CNTNAP2: variants seen among roughly 807,000 people sequenced by gnomAD.
The protein encoded by CNTNAP2 is contactin associated protein 2.
Under a neutral mutation model 155.2 loss-of-function variants are expected in CNTNAP2, and 98 were observed. That is an observed-to-expected ratio of 0.63 (90% CI 0.54 to 0.75). The LOEUF (loss-of-function observed/expected upper bound fraction) is 0.75. Ranked by LOEUF, CNTNAP2 falls within the 30% of genes least tolerant of loss-of-function variation. The pLI, the probability that CNTNAP2 is intolerant of heterozygous loss-of-function variation, is 0.00. For synonymous variants in CNTNAP2, 651 were observed against 631.2 expected, an observed-to-expected ratio of 1.03 and a Z score of -0.47; for missense variants, 1,727 against 1,688.1, an observed-to-expected ratio of 1.02 and a Z score of -0.40.
intron 22 of CNTNAP2, among the ~76,000 whole-genome samples, chr7:148,398,940 A>G (rs13246870): frequency 0.17 from 25,546 of 152,174 alleles, 2,435 homozygotes; most frequent in East Asian, 0.31. Flanking sequence ...TTCCTCTTTT[A>G]ACTATCATAA....
chr7:147,659,068 G>GT (rs1795575073), intron 13 of CNTNAP2, among the ~76,000 whole-genome samples: 1 of 152,128 alleles, frequency 6.6e-6, no homozygotes, highest in South Asian at 2.1e-4. Context: ...GTGGCAAAAA[G>GT]TTTTTTAACA....
At chr7:146,570,334 C>T (rs556766090) in intron 1 of CNTNAP2, among the ~76,000 whole-genome samples, 3 of 151,996 alleles carry the variant, frequency 2.0e-5, no homozygotes, top group Non-Finnish European at 2.9e-5. Context: ...CATTTTTGAA[C>T]GGTCTGTTTT....
chr7:148,167,963 T>A (rs1034639679), intron 17 of CNTNAP2, among the ~76,000 whole-genome samples: 1 of 152,226 alleles, frequency 6.6e-6, no homozygotes, highest in Non-Finnish European at 1.5e-5. Flanking sequence ...TCTGCCTTAA[T>A]GATATAATAA....
rs551294579 is a variant in CNTNAP2, at chr7:147,107,457, G to A, written c.551-690G>A. Among the ~76,000 whole-genome samples, 16 of 152,182 alleles carry A rather than the reference G, an allele frequency of 1.1e-4. No individual in the cohort carries two copies. The South Asian group carries it at 3.1e-3, about 30-fold the overall frequency. On this transcript the variant is annotated intron_variant, in intron 4 of 23. Coordinates refer to ENST00000361727, the MANE Select transcript of CNTNAP2 (RefSeq NM_014141.6). Reference sequence around the variant, plus strand: ...ATATTTGTTCTTTAAACTCATATATGGATAAGTGAAGATATCTGTGTCCAA... The same window carrying A: ...ATATTTGTTCTTTAAACTCATATATAGATAAGTGAAGATATCTGTGTCCAA...
chr7:148,106,757 A>G (rs1804232386), intron 15 of CNTNAP2, among the ~76,000 whole-genome samples: 1 of 152,112 alleles, frequency 6.6e-6, no homozygotes, highest in African/African-American at 2.4e-5. Flanking sequence ...TTACTAAATC[A>G]AAACTTTGTT....
At chr7:147,661,219 C>T (rs935740039) in intron 13 of CNTNAP2, among the ~76,000 whole-genome samples, 4 of 151,974 alleles carry the variant, frequency 2.6e-5, no homozygotes, top group Non-Finnish European at 5.9e-5. Context: ...ATATTTCCAT[C>T]GAATATTTGG....
At chr7:146,748,128 C>A in intron 1 of CNTNAP2, among the ~76,000 whole-genome samples, 1 of 113,564 alleles carries the variant, frequency 8.8e-6, no homozygotes, top group East Asian at 2.9e-4. Flanking sequence ...GTGGTGTTTT[C>A]TTTTCTTTTC....
At chr7:146,939,634 A>G (rs1797004457) in intron 3 of CNTNAP2, among the ~76,000 whole-genome samples, 1 of 152,152 alleles carries the variant, frequency 6.6e-6, no homozygotes, top group Admixed American at 6.5e-5. Context: ...TTCCTTCATT[A>G]TACTTCATTC....
chr7:147,379,946 C>T (rs907880773), intron 9 of CNTNAP2, among the ~76,000 whole-genome samples: 2 of 151,990 alleles, frequency 1.3e-5, no homozygotes, highest in African/African-American at 4.8e-5. Flanking sequence ...AAAGCTTCTC[C>T]TATTTTACTG....
chr7:146,631,394 A>G (rs1191537203), intron 1 of CNTNAP2, among the ~76,000 whole-genome samples: 2 of 152,162 alleles, frequency 1.3e-5, no homozygotes, highest in African/African-American at 2.4e-5. Flanking sequence ...GACCCATTTC[A>G]TGTCTGGGCA....
Position 147,435,412 on chromosome 7 carries a change from G to A in CNTNAP2, c.1670+39632G>A, listed in dbSNP as rs974157201. 5.3e-5 allele frequency among the ~76,000 whole-genome samples: 8 copies of A among 152,078 alleles called. No individual in the cohort carries two copies. In the South Asian group the frequency reaches 6.2e-4, roughly 12 times the overall value. ...TTGCTAGAGTAGGAGAATTTTCCCC[G>A]TCTTACATATAACCAGGTGATACTG... On this transcript the variant is annotated intron_variant, in intron 10 of 23. Transcript: ENST00000361727.
intron 1 of CNTNAP2, among the ~76,000 whole-genome samples, chr7:146,576,940 T>G (rs1009782715): frequency 6.6e-6 from 1 of 152,270 alleles, no homozygotes. Flanking sequence ...CCATAATAAC[T>G]ACACATGATA....
intron 17 of CNTNAP2, among the ~76,000 whole-genome samples, chr7:148,150,783 G>A: frequency 6.6e-6 from 1 of 151,966 alleles, no homozygotes; most frequent in Non-Finnish European, 1.5e-5. Flanking sequence ...TTGTTCTGTT[G>A]CCCAGGCTGG....
chr7:147,419,552 T>C (rs1453336595), intron 10 of CNTNAP2, among the ~76,000 whole-genome samples: 3 of 152,164 alleles, frequency 2.0e-5, no homozygotes, highest in Non-Finnish European at 2.9e-5. Flanking sequence ...CTCTTTACAA[T>C]TATGATTGAA....
intron 13 of CNTNAP2, chr7:147,894,023 A>G (rs982652534): frequency 2.0e-5 from 3 of 152,250 alleles, no homozygotes; most frequent in African/African-American, 7.2e-5. Context: ...TACAGCTATC[A>G]GATGATTTGG....
intron 15 of CNTNAP2, among the ~76,000 whole-genome samples, chr7:148,017,102 A>G (rs1033676573): frequency 3.9e-5 from 6 of 152,250 alleles, no homozygotes; most frequent in Admixed American, 3.9e-4. Context: ...CACCAACTGC[A>G]TTAGCTCAGC....
intron 2 of CNTNAP2, among the ~76,000 whole-genome samples, chr7:146,777,566 CT>C (rs757369260): frequency 6.1e-3 from 861 of 142,284 alleles, no homozygotes; most frequent in Admixed American, 6.5e-3. Context: ...CAATACAAAA[CT>C]TTTTTTTTTT....
At chr7:147,489,120 T>C (rs1047633631) in intron 11 of CNTNAP2, among the ~76,000 whole-genome samples, 1 of 152,242 alleles carries the variant, frequency 6.6e-6, no homozygotes, top group African/African-American at 2.4e-5. Context: ...CTGGTTTCCA[T>C]AGTATTTTTC....
chr7:147,313,460 C>T (rs989144596), intron 9 of CNTNAP2, among the ~76,000 whole-genome samples: 18 of 150,802 alleles, frequency 1.2e-4, no homozygotes, highest in South Asian at 2.1e-4. Context: ...GGAAGGGATC[C>T]AGTTTCAGCT....
Sources: allele counts gnomAD v4.1 joint callset (sites outside exome capture counted in the v4.1 genomes callset), GRCh38; gene constraint gnomAD v4.1.1; transcripts MANE v1.5; gene names NCBI Gene and HGNC (gene_info 2026-07-23, HGNC 2026-07-21).